The following FKTN variants were observed in gnomAD, a reference collection of about 807,000 sequenced individuals.
The protein encoded by FKTN is ribitol-5-phosphate transferase FKTN.
In FKTN, 47 loss-of-function variants were observed where a neutral mutation model predicts 58.6. The ratio of observed to expected loss-of-function variants is 0.80; its 90% CI spans 0.63 to 1.02. The LOEUF is 1.02. FKTN is among the 50% of genes least tolerant of loss of function. The pLI, the probability that FKTN is intolerant of heterozygous loss-of-function variation, is 0.00. For synonymous variants in FKTN, 178 were observed against 191.9 expected (o/e 0.93, Z 0.60); for missense variants, 516 against 537.3 (o/e 0.96, Z 0.39).
At chr9:105,617,857 TA>T (rs979836534) in intron 8 of FKTN, 101 bp from the exon 9 acceptor site, 381 of 756,614 alleles carry the variant, frequency 5.0e-4, no homozygotes, top group Non-Finnish European at 6.5e-4. Context: ...TCTGTCTCTT[TA>T]AAAAAAAAGA....
intron 10 of FKTN, among the ~76,000 whole-genome samples, chr9:105,623,637 C>T (rs1832327138): frequency 6.6e-6 from 1 of 152,176 alleles, no homozygotes; most frequent in Non-Finnish European, 1.5e-5. Context: ...CACTCCCATC[C>T]AGGTGTGGAT....
rs570495326 is a variant in FKTN, at chr9:105,575,152, T to A, written c.105+15T>A. The A allele has an allele frequency of 7.7e-7, 1 of 1,296,306 alleles. No homozygotes were observed. The highest frequency in any genetic ancestry group is 1.1e-6 in the Non-Finnish European group (1 of 889,846). The allele number at this position is 1,296,306 out of a possible 1,614,324, so 80.3% of individuals were successfully genotyped here. ...TATCAACAAAGGTAATTTTATTCCT[T>A]CTTTCTTATCATTCCTCCTTTCTTA... On this transcript the variant is annotated intron_variant, in intron 3 of 10. Coordinates refer to ENST00000357998, the MANE Select transcript of FKTN (RefSeq NM_001079802.2).
At chr9:105,579,461 T>C (rs959025514) in intron 3 of FKTN, among the ~76,000 whole-genome samples, 5 of 152,018 alleles carry the variant, frequency 3.3e-5, no homozygotes, top group African/African-American at 1.2e-4. Context: ...TCAGTTTCCA[T>C]GTAGTTGAGC....
At position 105,575,042 on chromosome 9, in the gene FKTN, A is replaced by T. The variant is rs757900916; in HGVS notation, c.10A>T (p.Ile4Phe). Reference sequence around the variant, plus strand: ...TGAGCAGCACAGACTAATGAGTAGAATCAATAAGAACGTGGTTTTGGCCCT... The same window carrying T: ...TGAGCAGCACAGACTAATGAGTAGATTCAATAAGAACGTGGTTTTGGCCCT... Reference protein sequence around the residue: MSRINKNVVLALLT... With the variant: MSRFNKNVVLALLT... Residue 4 changes from isoleucine to phenylalanine, a missense_variant, in exon 3 of 11, where the codon ATC (isoleucine) becomes TTC (phenylalanine). Transcript: ENST00000357998. 2.5e-6 allele frequency: 4 copies of T among 1,590,224 alleles called. No individual in the cohort carries two copies. The African/African-American group carries it at 5.4e-5, about 21-fold the overall frequency.
intron 1 of FKTN, among the ~76,000 whole-genome samples, chr9:105,567,539 C>T (rs904864103): frequency 1.3e-5 from 2 of 152,138 alleles, no homozygotes; most frequent in African/African-American, 2.4e-5. Flanking sequence ...CTCCCATTCA[C>T]AATTGCTTCA....
At chr9:105,617,444 C>T (rs917003056) in intron 8 of FKTN, among the ~76,000 whole-genome samples, 1 of 152,046 alleles carries the variant, frequency 6.6e-6, no homozygotes, top group Non-Finnish European at 1.5e-5. Flanking sequence ...AATTATTGCT[C>T]AAGAAAAATA....
At chr9:105,580,680 G>A (rs1842721968) in intron 3 of FKTN, among the ~76,000 whole-genome samples, 2 of 32,900 alleles carry the variant, frequency 6.1e-5, no homozygotes, top group Non-Finnish European at 5.8e-5. Flanking sequence ...TCTTTGTGGC[G>A]TTCTCTGTAT....
intron 10 of FKTN, among the ~76,000 whole-genome samples, chr9:105,627,821 A>G (rs1484677468): frequency 1.3e-5 from 2 of 152,078 alleles, no homozygotes; most frequent in Non-Finnish European, 2.9e-5. Context: ...TATGTGATAG[A>G]TAAAATCAGG....
At chr9:105,573,429 G>C (rs1020295011) in intron 1 of FKTN, among the ~76,000 whole-genome samples, 18 of 152,114 alleles carry the variant, frequency 1.2e-4, no homozygotes, top group African/African-American at 4.1e-4. Context: ...TTTAAGACCA[G>C]CTTGGGCAAC....
intron 1 of FKTN, among the ~76,000 whole-genome samples, chr9:105,558,797 TGTTTGA>T (rs1207939521): frequency 6.6e-6 from 1 of 152,164 alleles, no homozygotes; most frequent in Non-Finnish European, 1.5e-5. Context: ...GAAAAGGCTG[TGTTTGA>T]GCTAGACTCT....
Position 105,604,297 on chromosome 9 carries a change from A to T in FKTN, c.452A>T (p.Asp151Val). The T allele has an allele frequency of 6.2e-7, 1 of 1,613,570 alleles. No individual in the cohort carries two copies. The highest frequency in any genetic ancestry group is 8.5e-7 in the Non-Finnish European group (1 of 1,179,752). ...ESKDPRLDGI[D>V]SLSGTEIPLH... ...AAAGATCCCCGGCTAGACGGGATAG[A>T]CTCACTCTCTGGAACTGAAATCCCC... The change falls in exon 6 of 11, where the codon GAC (aspartate) becomes GTC (valine). Residue 151 changes from aspartate to valine, a missense_variant. By Grantham distance (152) the Asp-to-Val change is radical. Coordinates refer to ENST00000357998, the MANE Select transcript of FKTN (RefSeq NM_001079802.2).
At chr9:105,564,136 A>C (rs1050933136) in intron 1 of FKTN, among the ~76,000 whole-genome samples, 3 of 152,250 alleles carry the variant, frequency 2.0e-5, no homozygotes, top group Non-Finnish European at 4.4e-5. Flanking sequence ...ATCCACATCA[A>C]AACCCATTTG....
intron 1 of FKTN, among the ~76,000 whole-genome samples, chr9:105,563,271 G>C (rs761961999): frequency 7.2e-5 from 11 of 152,208 alleles, no homozygotes; most frequent in Non-Finnish European, 1.6e-4. Context: ...GAGATACTGA[G>C]TTCATCTCAC....
At chr9:105,588,941 T>C (rs1844376914) in intron 3 of FKTN, among the ~76,000 whole-genome samples, 1 of 152,172 alleles carries the variant, frequency 6.6e-6, no homozygotes, top group Non-Finnish European at 1.5e-5. Context: ...AGAGGTCAGA[T>C]TATTTATTCT....
Position 105,637,279 on chromosome 9 carries a change from A to T in FKTN, c.*2015A>T. 1.0e-6 allele frequency: 1 copy of T among 985,292 alleles called. No individual in the cohort carries two copies. Among genetic ancestry groups the T allele is most frequent in the Non-Finnish European group, 1.2e-6 (1 of 829,742 alleles). The allele number at this position is 985,292 out of a possible 1,614,324, so 61.0% of individuals were successfully genotyped here. On this transcript the variant is annotated 3_prime_UTR_variant, in exon 11 of 11. Coordinates refer to ENST00000357998, the MANE Select transcript of FKTN (RefSeq NM_001079802.2). ...CAGGAGATCTTACCCATCCCTTTTC[A>T]GATTAATCTTTTATCCTTTCCTGAA...
chr9:105,633,266 T>G (rs1259120160), intron 10 of FKTN: 1 of 152,258 alleles, frequency 6.6e-6, no homozygotes, highest in African/African-American at 2.4e-5. Flanking sequence ...CATAAATTCT[T>G]CATTGTTCAA....
At chr9:105,599,318 A>G (rs1309384617) in intron 4 of FKTN, among the ~76,000 whole-genome samples, 1 of 152,140 alleles carries the variant, frequency 6.6e-6, no homozygotes, top group Non-Finnish European at 1.5e-5. Context: ...TTTCATTCCT[A>G]GGATAAATAC....
chr9:105,569,605 C>T (rs957916195), intron 1 of FKTN, among the ~76,000 whole-genome samples: 5 of 152,176 alleles, frequency 3.3e-5, no homozygotes, highest in African/African-American at 1.2e-4. Flanking sequence ...AGTTGGTAAG[C>T]AGATCTGCCC....
chr9:105,626,563 A>G lies in FKTN; in HGVS notation c.1172+6502A>G, dbSNP rs541141399. Among the ~76,000 whole-genome samples, 12 of 152,324 alleles carry G rather than the reference A, an allele frequency of 7.9e-5. No individual in the cohort carries two copies. In the East Asian group the frequency reaches 2.3e-3, roughly 29 times the overall value. Reference sequence around the variant, plus strand: ...GCATATGAATTTTGAGGAGACATAAACATTCAAACCACAGCAATGTTTTTC... The same window carrying G: ...GCATATGAATTTTGAGGAGACATAAGCATTCAAACCACAGCAATGTTTTTC... On this transcript the variant is annotated intron_variant, in intron 10 of 10. Coordinates refer to ENST00000357998, the MANE Select transcript of FKTN (RefSeq NM_001079802.2).
Sources: gnomAD v4.1 joint callset for allele counts (sites outside exome capture counted in the v4.1 genomes callset) on GRCh38, gnomAD v4.1.1 for gene constraint, MANE v1.5 for transcripts, NCBI Gene and HGNC (gene_info 2026-07-23, HGNC 2026-07-21) for gene names.